The following PRKAG3 variants were observed in gnomAD, a reference collection of about 807,000 sequenced individuals.
The protein encoded by PRKAG3 is 5'-AMP-activated protein kinase subunit gamma-3.
Under a neutral mutation model 56.5 loss-of-function variants are expected in PRKAG3, and 39 were observed. That is an observed-to-expected ratio of 0.69 (90% confidence interval 0.53 to 0.90). The LOEUF (loss-of-function observed/expected upper bound fraction) is 0.90. Ranked by LOEUF, PRKAG3 falls within the 40% of genes least tolerant of loss-of-function variation. PRKAG3 has a pLI of 0.00. For synonymous variants in PRKAG3, 243 were observed against 250.1 expected (o/e 0.97, Z 0.27); for missense variants, 628 against 627.5 (o/e 1.00, Z -0.01).
chr2:218,830,598 C>G, intron 3 of PRKAG3, 148 bp downstream of exon 3: 1 of 1,179,146 alleles, frequency 8.5e-7, no homozygotes, highest in Non-Finnish European at 1.2e-6. Context: ...GCCTTGTTCT[C>G]TACTATGTAG....
intron 4 of PRKAG3, among the ~76,000 whole-genome samples, chr2:218,829,601 C>T (rs1361409658): frequency 6.6e-6 from 1 of 152,056 alleles, no homozygotes; most frequent in Non-Finnish European, 1.5e-5. Flanking sequence ...GCTGGGATTA[C>T]AGACATGAGC....
At position 218,827,562 on chromosome 2, in the gene PRKAG3, C is replaced by T; in HGVS notation, c.875+13G>A. On this transcript the variant is annotated intron_variant, in intron 8 of 12. Coordinates refer to ENST00000529249, the Ensembl canonical transcript of PRKAG3. This position sits in a 1 kb window ranked among gnomAD's most constrained non-coding sequence, Gnocchi z 5.3. ...GGAGGAGGAGGCTCAGGTGAATGAGCAGAGACACCCACCTATCATTAGGAG... is the reference window on the plus strand; with the variant it reads ...GGAGGAGGAGGCTCAGGTGAATGAGTAGAGACACCCACCTATCATTAGGAG... The T allele has an allele frequency of 6.2e-7, 1 of 1,612,984 alleles. No individual in the cohort carries two copies. The highest frequency in any genetic ancestry group is 8.5e-7 in the Non-Finnish European group (1 of 1,179,028).
intron 10 of PRKAG3, 64 bp downstream of exon 10, chr2:218,826,864 T>G: frequency 6.3e-7 from 1 of 1,595,020 alleles, no homozygotes; most frequent in Non-Finnish European, 8.6e-7. Context: ...CCTTCCCATA[T>G]TCTCCCCACC....
At chr2:218,830,357 T>C in exon 4 of PRKAG3, 3 of 1,608,636 alleles carry the variant, frequency 1.9e-6, no homozygotes, top group Non-Finnish European at 2.6e-6. Context: ...CCCGGTGGAC[T>C]CAGCAGCTGG....
At position 218,831,478 on chromosome 2, in the gene PRKAG3, C is replaced by T. The variant is rs13399980; in HGVS notation, c.34-103G>A. The T allele has an allele frequency of 2.6e-3, 2,885 of 1,124,250 alleles. 55 individuals are homozygous for T. The African/African-American group carries it at 0.039, about 15-fold the overall frequency. 69.6% of individuals were successfully genotyped at this position (1,124,250 alleles called of 1,614,324 possible). ...ACACACCCATGCACACCAATACACA[C>T]GCTCAGACACACGCCATACACAGAC... is the stretch of plus-strand genomic sequence containing the variant. On this transcript the variant is annotated intron_variant, in intron 1 of 12. Coordinates refer to ENST00000529249, the Ensembl canonical transcript of PRKAG3.
chr2:218,826,374 C>T (rs1943932776), intron 10 of PRKAG3, among the ~76,000 whole-genome samples: 1 of 152,220 alleles, frequency 6.6e-6, no homozygotes, highest in Admixed American at 6.5e-5. Context: ...GTCATTTCTG[C>T]AGCCCTTTTT....
At chr2:218,830,266 G>C (rs151134465) in exon 4 of PRKAG3, 1 of 1,613,864 alleles carries the variant, frequency 6.2e-7, no homozygotes, top group Admixed American at 1.7e-5. Flanking sequence ...AGGGGAGGCA[G>C]TCCCACCCTG....
chr2:218,823,188 G>A (rs187317587), downstream of PRKAG3: 62 of 452,936 alleles, frequency 1.4e-4, no homozygotes, highest in East Asian at 2.2e-3. Flanking sequence ...CCCATCCTCT[G>A]CAAGCCCCTA....
At chr2:218,825,706 T>G (rs974018007) in intron 10 of PRKAG3, among the ~76,000 whole-genome samples, 10 of 151,544 alleles carry the variant, frequency 6.6e-5, no homozygotes, top group Admixed American at 6.6e-4. Context: ...GAATAAGGAT[T>G]GGATGTCAGA....
chr2:218,831,757 A>C, exon 1 of PRKAG3: 1 of 1,610,670 alleles, frequency 6.2e-7, no homozygotes, highest in Non-Finnish European at 8.5e-7. Context: ...TGCGTGCTCC[A>C]GCCCGGGCTC....
rs566386064 is a variant in PRKAG3, at chr2:218,827,923, T to C, written c.775-45A>G. 2 of 1,612,372 alleles carry C rather than the reference T, an allele frequency of 1.2e-6. No individual in the cohort carries two copies. The highest frequency in any genetic ancestry group is 1.1e-5 in the South Asian group (1 of 90,862). On this transcript the variant is annotated intron_variant, in intron 6 of 12. Transcript: ENST00000529249. This position sits in a 1 kb window ranked among gnomAD's most constrained non-coding sequence, Gnocchi z 5.3. ...TCCAGAAGTCAGAAAGACGTGGGCT[T>C]CTAGGGCACCAGGCTCCAGGAGGAC...
At chr2:218,830,433 T>C in intron 3 of PRKAG3, 52 bp from the exon 4 acceptor site, 2 of 1,566,278 alleles carry the variant, frequency 1.3e-6, no homozygotes, top group Non-Finnish European at 1.7e-6. Flanking sequence ...CCAAAGCACG[T>C]TCTCATCTGC....
rs1297804470 is a variant in PRKAG3 at position 218,829,976 on chromosome 2, A to G, written c.633+2T>C. 2 of 1,612,506 alleles carry G rather than the reference A, an allele frequency of 1.2e-6. No individual in the cohort carries two copies. The highest frequency in any genetic ancestry group is 1.7e-6 in the Non-Finnish European group (2 of 1,179,992). ...ACAGGTTGGGCAGAGCCGTGGCCTC[A>G]CCTCCAGCATGGTGTCGAAGATGAC... On this transcript the variant is annotated splice_donor_variant, in intron 4 of 12. Coordinates refer to ENST00000529249, the Ensembl canonical transcript of PRKAG3. LOFTEE classifies it high-confidence loss of function.
In PRKAG3 at chr2:218,830,918, G is replaced by A. The variant is rs377632629; in HGVS notation, c.74-17C>T. On this transcript the variant is annotated splice_polypyrimidine_tract_variant and intron_variant, in intron 2 of 12. Transcript: ENST00000529249. ...AGCTCATCTCTGGAAGGGGAATGGG[G>A]CCTGTTTGGTTAATAGGGAGTAATG... 2.4e-5 allele frequency: 38 copies of A among 1,612,692 alleles called. No homozygotes were observed. The African/African-American group carries it at 3.7e-4, about 16-fold the overall frequency.
At chr2:218,823,003 T>C, downstream of PRKAG3, 1 of 984,500 alleles carries the variant, frequency 1.0e-6, no homozygotes. Flanking sequence ...CATCATCCCA[T>C]GGTGCACTGG....
chr2:218,823,063 A>G, downstream of PRKAG3: 1 of 964,868 alleles, frequency 1.0e-6, no homozygotes, highest in Non-Finnish European at 1.2e-6. Context: ...GCAATTTGGG[A>G]GGGCTGAAGA....
intron 11 of PRKAG3, 73 bp downstream of exon 11, chr2:218,824,466 T>C (rs1575210286): frequency 6.2e-7 from 1 of 1,608,230 alleles, no homozygotes; most frequent in African/African-American, 1.3e-5. Context: ...GTCCCCCTGG[T>C]CCACAGAGGC....
chr2:218,825,266 G>T (rs781017325), intron 10 of PRKAG3, among the ~76,000 whole-genome samples: 6 of 151,250 alleles, frequency 4.0e-5, no homozygotes, highest in South Asian at 4.2e-4. Context: ...AATCTGGGAG[G>T]TGGAGGTTGC....
In PRKAG3 at chr2:218,827,259, G is replaced by T; in HGVS notation, c.990C>A (p.Phe330Leu). Residue 330 changes from phenylalanine to leucine, a missense_variant, in exon 9 of 13, where the codon TTC becomes TTA. Phe to Leu is a conservative substitution (Grantham distance 22). Transcript: ENST00000529249. The surrounding 1 kb of genome is among the most constrained non-coding windows in gnomAD (Gnocchi z 5.3). Reference sequence around the variant, plus strand: ...GGCCCAGGCTTACAAAGATGTGCAGGAACTTGAGCAGGCGTTTGTGTGTGA... The same window carrying T: ...GGCCCAGGCTTACAAAGATGTGCAGTAACTTGAGCAGGCGTTTGTGTGTGA... 6.2e-7 allele frequency: 1 copy of T among 1,614,206 alleles called. No individual in the cohort carries two copies. Among genetic ancestry groups the T allele is most frequent in the Non-Finnish European group, 8.5e-7 (1 of 1,180,044 alleles).
Sources: allele counts gnomAD v4.1 joint callset (sites outside exome capture counted in the v4.1 genomes callset), GRCh38; gene constraint gnomAD v4.1.1; non-coding constraint Gnocchi (gnomAD v3.1); transcripts MANE v1.5; gene names NCBI Gene and HGNC (gene_info 2026-07-23, HGNC 2026-07-21).